The following MAX variants were observed in gnomAD, a reference collection of about 807,000 sequenced individuals.
MAX encodes MYC associated transcriptional regulator X, also known as protein max.
Under a neutral mutation model 22.3 loss-of-function variants are expected in MAX, and 3 were observed. The observed-to-expected ratio is 0.13, with a 90% CI of 0.06 to 0.35. MAX has a LOEUF of 0.35. MAX is among the 10% of genes least tolerant of loss of function. MAX has a pLI of 1.00. For missense variants in MAX, 119 were observed against 209.4 expected (o/e 0.57, Z 2.66); for synonymous variants, 72 against 77.7 (o/e 0.93, Z 0.39).
chr14:65,064,962 T>C (rs913427370), intron 3 of MAX, among the ~76,000 whole-genome samples: 2 of 152,268 alleles, frequency 1.3e-5, no homozygotes, highest in African/African-American at 4.8e-5. Context: ...AGGCCCTGAC[T>C]GGCTAAGCCA....
Position 65,076,029 on chromosome 14 carries a change from A to G in MAX, c.*447T>C. On this transcript the variant is annotated 3_prime_UTR_variant, in exon 5 of 5. Coordinates refer to ENST00000358664, the MANE Select transcript of MAX (RefSeq NM_002382.5). This position sits in a 1 kb window ranked among gnomAD's most constrained non-coding sequence, Gnocchi z 6.6. Reference sequence around the variant, plus strand: ...TACTCCAAACCGGTCATCTTCTCAAAGTAGAGCAGTTCAGATTCACAAAGT... The same window carrying G: ...TACTCCAAACCGGTCATCTTCTCAAGGTAGAGCAGTTCAGATTCACAAAGT... The G allele has an allele frequency of 6.2e-6, 7 of 1,133,352 alleles. No homozygotes were observed. The highest frequency in any genetic ancestry group is 7.6e-6 in the Non-Finnish European group (7 of 921,566). 70.2% of individuals were successfully genotyped at this position (1,133,352 alleles called of 1,614,324 possible).
intron 3 of MAX, among the ~76,000 whole-genome samples, chr14:65,018,313 G>C (rs1218305957): frequency 6.6e-6 from 1 of 152,148 alleles, no homozygotes; most frequent in Non-Finnish European, 1.5e-5. Context: ...CTGGGCAACA[G>C]AGCAAGACCC....
intron 3 of MAX, among the ~76,000 whole-genome samples, chr14:65,042,915 A>G (rs1345247139): frequency 6.6e-6 from 1 of 152,172 alleles, no homozygotes; most frequent in African/African-American, 2.4e-5. Context: ...TAGTACCTGA[A>G]CCTGCAGTAC....
At chr14:65,050,376 ATTT>A (rs1320139021) in intron 3 of MAX, among the ~76,000 whole-genome samples, 1 of 152,178 alleles carries the variant, frequency 6.6e-6, no homozygotes, top group Non-Finnish European at 1.5e-5. Flanking sequence ...TGGGCAGATC[ATTT>A]TAGGAGTTCG....
chr14:65,055,629 G>A (rs1018169921), intron 3 of MAX, among the ~76,000 whole-genome samples: 1 of 152,046 alleles, frequency 6.6e-6, no homozygotes, highest in East Asian at 1.9e-4. Flanking sequence ...CAATTCTCGT[G>A]CCTCAGCCTC....
At chr14:65,008,990 C>A (rs72728241) in intron 3 of MAX, among the ~76,000 whole-genome samples, 13,613 of 152,200 alleles carry the variant, frequency 0.089, 850 homozygotes, top group Admixed American at 0.16. Context: ...TGCATCCCAC[C>A]CTGCACCCCC....
chr14:65,022,274 CTTTTTTTCTGTTTTTTTTTTT>C (rs954579495), intron 3 of MAX: 3 of 305,852 alleles, frequency 9.8e-6, no homozygotes, highest in Non-Finnish European at 1.9e-5. Context: ...AAGCTGTAAT[CTTTTTTTCTGTTTTTTTTTTT>C]TTAAACCTGC....
At chr14:65,060,033 A>G (rs572075827) in intron 3 of MAX, among the ~76,000 whole-genome samples, 16 of 151,452 alleles carry the variant, frequency 1.1e-4, no homozygotes, top group Admixed American at 3.9e-4. Flanking sequence ...GGGTTTCACC[A>G]TCTTGGCCAG....
chr14:65,093,916 C>T lies in MAX; in HGVS notation c.64-101G>A, dbSNP rs897718390. The T allele has an allele frequency of 1.3e-6, 1 of 777,370 alleles. No individual in the cohort carries two copies. The highest frequency in any genetic ancestry group is 2.3e-6 in the Non-Finnish European group (1 of 425,742). The allele number at this position is 777,370 out of a possible 1,614,324, so 48.2% of individuals were successfully genotyped here. On this transcript the variant is annotated intron_variant, in intron 2 of 4. Coordinates refer to ENST00000358664, the MANE Select transcript of MAX (RefSeq NM_002382.5). The surrounding 1 kb of genome is among the most constrained non-coding windows in gnomAD (Gnocchi z 4.4). ...GGAAGTACACGCTGTCAGCACTGTC[C>T]CTGGCGAGTGGACTGGGAAGGATTT...
In MAX at chr14:65,075,396, C is replaced by A; in HGVS notation, c.*1080G>T. 2 of 1,063,190 alleles carry A rather than the reference C, an allele frequency of 1.9e-6. No individual in the cohort carries two copies. The highest frequency in any genetic ancestry group is 2.3e-6 in the Non-Finnish European group (2 of 877,684). The allele number at this position is 1,063,190 out of a possible 1,614,324, so 65.9% of individuals were successfully genotyped here. On this transcript the variant is annotated 3_prime_UTR_variant, in exon 5 of 5. Coordinates refer to ENST00000358664, the MANE Select transcript of MAX (RefSeq NM_002382.5). This position sits in a 1 kb window ranked among gnomAD's most constrained non-coding sequence, Gnocchi z 4.1. Reference sequence around the variant, plus strand: ...CCAGGGCTGGATCACACAATGGAGACAGGTTCCAGGACAGTAGGAAAGGAA... The same window carrying A: ...CCAGGGCTGGATCACACAATGGAGAAAGGTTCCAGGACAGTAGGAAAGGAA...
chr14:65,067,963 CA>C (rs1175201472), intron 3 of MAX, among the ~76,000 whole-genome samples: 1 of 152,060 alleles, frequency 6.6e-6, no homozygotes. Context: ...AGGAAGGCCA[CA>C]GAGGTAAAGT....
intron 3 of MAX, among the ~76,000 whole-genome samples, chr14:65,026,841 G>A (rs1168529146): frequency 1.3e-5 from 2 of 151,262 alleles, no homozygotes; most frequent in Non-Finnish European, 1.5e-5. Flanking sequence ...CAGCCTGGGC[G>A]ACCGAGGGCA....
chr14:65,069,708 A>G lies in MAX; in HGVS notation c.171+24000T>C, dbSNP rs1485812315. Among the ~76,000 whole-genome samples, 1 of 152,244 alleles carries G rather than the reference A, an allele frequency of 6.6e-6. No individual in the cohort carries two copies. The highest frequency in any genetic ancestry group is 1.9e-4 in the East Asian group (1 of 5,196). ...AGAGTACCCACCACAAGCCAAGCAC[A>G]GTGCTAGGAGTCCAGTAACAAGTGC... On this transcript the variant is annotated intron_variant, in intron 3 of 3. Transcript: ENST00000341653. The surrounding 1 kb of genome is among the most constrained non-coding windows in gnomAD (Gnocchi z 4.6).
intron 3 of MAX, among the ~76,000 whole-genome samples, chr14:65,068,413 C>T (rs953727062): frequency 1.3e-5 from 2 of 152,066 alleles, no homozygotes; most frequent in African/African-American, 4.8e-5. Context: ...CCAACCTGGG[C>T]GACAGCGTGA....
In MAX at chr14:65,093,533, T is replaced by C; in HGVS notation, c.171+175A>G. 1 of 639,092 alleles carries C rather than the reference T, an allele frequency of 1.6e-6. No individual in the cohort carries two copies. Among genetic ancestry groups the C allele is most frequent in the Non-Finnish European group, 2.9e-6 (1 of 349,070 alleles). The allele number at this position is 639,092 out of a possible 1,614,324, so 39.6% of individuals were successfully genotyped here. ...TATATCTGACATATTTTGTTAAGGATAAACTGGAGTACGTAAGGTGTGCAG... is the reference window on the plus strand; with the variant it reads ...TATATCTGACATATTTTGTTAAGGACAAACTGGAGTACGTAAGGTGTGCAG... On this transcript the variant is annotated intron_variant, in intron 3 of 4. Coordinates refer to ENST00000358664, the MANE Select transcript of MAX (RefSeq NM_002382.5). This position sits in a 1 kb window ranked among gnomAD's most constrained non-coding sequence, Gnocchi z 4.4.
At chr14:65,018,255 A>C (rs1009266997) in intron 3 of MAX, among the ~76,000 whole-genome samples, 1 of 152,130 alleles carries the variant, frequency 6.6e-6, no homozygotes, top group Non-Finnish European at 1.5e-5. Context: ...ACAGGAGTTC[A>C]GGGGTTTGAG....
chr14:65,088,559 T>C lies in MAX; in HGVS notation c.171+5149A>G, dbSNP rs2063407618. On this transcript the variant is annotated intron_variant, in intron 3 of 4. Coordinates refer to ENST00000358664, the MANE Select transcript of MAX (RefSeq NM_002382.5). This position sits in a 1 kb window ranked among gnomAD's most constrained non-coding sequence, Gnocchi z 5.2. ...GACAATCCCTCTAGCAGCTCAGATA[T>C]GCTATAGACATAGGTTACCGAATGA... is the stretch of plus-strand genomic sequence containing the variant. Among the ~76,000 whole-genome samples the C allele has an allele frequency of 6.6e-6, 1 of 152,222 alleles. No individual in the cohort carries two copies. Among genetic ancestry groups the C allele is most frequent in the Non-Finnish European group, 1.5e-5 (1 of 68,038 alleles).
chr14:65,017,741 AG>A (rs1286388084), intron 3 of MAX, among the ~76,000 whole-genome samples: 1 of 152,006 alleles, frequency 6.6e-6, no homozygotes. Flanking sequence ...GGATCACTTG[AG>A]GTCAGGAGTT....
At position 65,084,377 on chromosome 14, in the gene MAX, T is replaced by C. The variant is rs1232417171; in HGVS notation, c.172-6341A>G. 2 of 928,908 alleles carry C rather than the reference T, an allele frequency of 2.2e-6. No homozygotes were observed. Among genetic ancestry groups the C allele is most frequent in the Non-Finnish European group, 3.5e-6 (2 of 579,588 alleles). 57.5% of individuals were successfully genotyped at this position (928,908 alleles called of 1,614,324 possible). On this transcript the variant is annotated intron_variant, in intron 3 of 4. Coordinates refer to ENST00000358664, the MANE Select transcript of MAX (RefSeq NM_002382.5). The surrounding 1 kb of genome is among the most constrained non-coding windows in gnomAD (Gnocchi z 4.3). ...TACAAAATTACTAACTTTTGTTTAC[T>C]GAATTAGTTACCCTCTTCCAAAAAA...
Sources: allele counts gnomAD v4.1 joint callset (sites outside exome capture counted in the v4.1 genomes callset), GRCh38; gene constraint gnomAD v4.1.1; non-coding constraint Gnocchi (gnomAD v3.1); transcripts MANE v1.5; gene names NCBI Gene and HGNC (gene_info 2026-07-23, HGNC 2026-07-21).